The following ENTREP2 variants were observed in gnomAD, a reference collection of about 807,000 sequenced individuals.
The protein encoded by ENTREP2 is protein ENTREP2.
At chr15:29,648,063 A>G in the ENTREP2 span, among the ~76,000 whole-genome samples, 1 of 151,480 alleles carries the variant, frequency 6.6e-6, no homozygotes, top group Non-Finnish European at 1.5e-5. Flanking sequence ...CTAAATCACA[A>G]CAGGCCCCAA....
At chr15:29,216,872 G>T in the ENTREP2 span, among the ~76,000 whole-genome samples, 1 of 151,998 alleles carries the variant, frequency 6.6e-6, no homozygotes, top group Non-Finnish European at 1.5e-5. Flanking sequence ...GAAAAGAAAA[G>T]AAAAGAAAAA....
the ENTREP2 span, among the ~76,000 whole-genome samples, chr15:29,236,769 A>T: frequency 6.6e-6 from 1 of 152,222 alleles, no homozygotes; most frequent in African/African-American, 2.4e-5. Flanking sequence ...AATAATTAAC[A>T]TCAATTCTAC....
At chr15:29,472,830 G>A in the ENTREP2 span, among the ~76,000 whole-genome samples, 2 of 152,148 alleles carry the variant, frequency 1.3e-5, no homozygotes, top group South Asian at 2.1e-4. Context: ...ATAAATACAA[G>A]AATCTCCCTT....
the ENTREP2 span, among the ~76,000 whole-genome samples, chr15:29,264,780 T>C: frequency 6.6e-6 from 1 of 152,218 alleles, no homozygotes; most frequent in African/African-American, 2.4e-5. Flanking sequence ...AGGTTATCTC[T>C]AAGTAAATTA....
At chr15:29,195,615 C>T in the ENTREP2 span, among the ~76,000 whole-genome samples, 1 of 152,178 alleles carries the variant, frequency 6.6e-6, no homozygotes, top group Non-Finnish European at 1.5e-5. Context: ...ACCTCTGTCT[C>T]CCAGGTTCCA....
the ENTREP2 span, among the ~76,000 whole-genome samples, chr15:29,410,547 C>G: frequency 6.6e-6 from 1 of 152,072 alleles, no homozygotes; most frequent in Non-Finnish European, 1.5e-5. Flanking sequence ...CCCGCCGTAG[C>G]CAACTGGGTA....
the ENTREP2 span, among the ~76,000 whole-genome samples, chr15:29,548,405 A>C: frequency 6.8e-6 from 1 of 148,020 alleles, no homozygotes. Context: ...CAGTGAGCTG[A>C]GATCATGCCA....
chr15:29,390,696 G>A, the ENTREP2 span, among the ~76,000 whole-genome samples: 1 of 152,194 alleles, frequency 6.6e-6, no homozygotes, highest in South Asian at 2.1e-4. Context: ...GGACACAGAG[G>A]TCTGGAATAA....
chr15:29,463,103 G>C, the ENTREP2 span, among the ~76,000 whole-genome samples: 6 of 152,208 alleles, frequency 3.9e-5, no homozygotes, highest in East Asian at 1.2e-3. Context: ...TGAGATGGCA[G>C]GTACATGGAG....
the ENTREP2 span, among the ~76,000 whole-genome samples, chr15:29,647,576 T>C: frequency 2.0e-5 from 3 of 152,142 alleles, no homozygotes; most frequent in Non-Finnish European, 4.4e-5. Flanking sequence ...TCTGTAAATA[T>C]AGTCGATAGG....
At chr15:29,224,399 T>C in the ENTREP2 span, among the ~76,000 whole-genome samples, 1 of 152,132 alleles carries the variant, frequency 6.6e-6, no homozygotes, top group African/African-American at 2.4e-5. Flanking sequence ...CTGCGCCGGG[T>C]TGCCACTGCT....
chr15:29,405,056 C>T, the ENTREP2 span, among the ~76,000 whole-genome samples: 4 of 152,184 alleles, frequency 2.6e-5, no homozygotes, highest in Non-Finnish European at 4.4e-5. Context: ...CTCCTGGTCA[C>T]TTCTAACCTG....
chr15:29,269,034 A>C, the ENTREP2 span: 2 of 1,614,076 alleles, frequency 1.2e-6, no homozygotes, highest in South Asian at 1.1e-5. Context: ...CAAAGTCCTC[A>C]GTAATGAGTT....
At chr15:29,344,538 T>C in the ENTREP2 span, among the ~76,000 whole-genome samples, 1 of 152,120 alleles carries the variant, frequency 6.6e-6, no homozygotes, top group Non-Finnish European at 1.5e-5. Flanking sequence ...CCTGCTGATG[T>C]TCATAACACA....
the ENTREP2 span, among the ~76,000 whole-genome samples, chr15:29,568,710 C>CAAAAAAAAAA: frequency 5.5e-5 from 7 of 128,190 alleles, no homozygotes; most frequent in Non-Finnish European, 7.9e-5. Flanking sequence ...CCTCTTAAGG[C>CAAAAAAAAAA]AAAAAAAAAA....
At chr15:29,257,123 G>A in the ENTREP2 span, among the ~76,000 whole-genome samples, 89 of 151,500 alleles carry the variant, frequency 5.9e-4, 1 homozygote, top group Non-Finnish European at 6.2e-4. Flanking sequence ...GTGCAGGCTG[G>A]AGTGCAATGC....
the ENTREP2 span, among the ~76,000 whole-genome samples, chr15:29,641,398 CTT>C: frequency 6.6e-6 from 1 of 152,068 alleles, no homozygotes; most frequent in East Asian, 1.9e-4. Context: ...CTAATCCTGT[CTT>C]TACAAAATCC....
the ENTREP2 span, among the ~76,000 whole-genome samples, chr15:29,179,512 G>A: frequency 1.3e-5 from 2 of 152,252 alleles, no homozygotes; most frequent in Admixed American, 1.3e-4. Context: ...TACTGAGGAT[G>A]AGCTTAGTTT....
At chr15:29,444,190 G>C in the ENTREP2 span, among the ~76,000 whole-genome samples, 245 of 92,382 alleles carry the variant, frequency 2.7e-3, 6 homozygotes, top group African/African-American at 8.9e-3. Context: ...AAGAAAGAAA[G>C]AAAGAAAGAA....
Sources: allele counts gnomAD v4.1 joint callset (sites outside exome capture counted in the v4.1 genomes callset), GRCh38; gene constraint gnomAD v4.1.1; transcripts MANE v1.5; gene names NCBI Gene and HGNC (gene_info 2026-07-23, HGNC 2026-07-21).